MTUS1: variants seen among roughly 807,000 people sequenced by gnomAD.
MTUS1 encodes the protein microtubule-associated tumor suppressor 1.
In MTUS1, 109 loss-of-function variants were observed where a neutral mutation model predicts 120.8. The observed-to-expected ratio is 0.90, with a 90% CI of 0.77 to 1.06. The LOEUF (loss-of-function observed/expected upper bound fraction) is 1.06, where lower values mean the gene tolerates loss of function less well. Among genes scored for constraint, MTUS1 ranks in the 50% least tolerant of loss-of-function variants. The pLI, the probability that MTUS1 is intolerant of heterozygous loss-of-function variation, is 0.00. For synonymous variants in MTUS1, 737 were observed against 550.5 expected (o/e 1.34, Z -4.74); for missense variants, 2,210 against 1,486.3 (o/e 1.49, Z -8.01).
intron 6 of MTUS1, among the ~76,000 whole-genome samples, chr8:17,702,330 CCTT>C (rs1819260146): frequency 2.6e-5 from 4 of 151,924 alleles, no homozygotes; most frequent in Admixed American, 2.6e-4. Flanking sequence ...ATTCCTTAGT[CCTT>C]CATATATTTC....
At chr8:17,796,097 C>A (rs1480832474) in intron 1 of MTUS1, among the ~76,000 whole-genome samples, 1 of 151,860 alleles carries the variant, frequency 6.6e-6, no homozygotes, top group East Asian at 1.9e-4. Context: ...TTACAGGCGC[C>A]CACCACCACA....
chr8:17,750,177 T>C (rs11203907), intron 2 of MTUS1, among the ~76,000 whole-genome samples: 1 of 152,024 alleles, frequency 6.6e-6, no homozygotes, highest in Admixed American at 6.6e-5. Context: ...ATACATTAGG[T>C]GAATTCAACA....
chr8:17,726,436 C>G (rs2046235905), intron 3 of MTUS1, among the ~76,000 whole-genome samples: 1 of 152,146 alleles, frequency 6.6e-6, no homozygotes, highest in Non-Finnish European at 1.5e-5. Flanking sequence ...GGAAGAGCAC[C>G]TGATTCAATT....
Position 17,759,531 on chromosome 8 carries a change from C to A in MTUS1, c.-154-3570G>T, listed in dbSNP as rs985614934. ...CAATCTTTGACATCTGATCATTTGC[C>A]AAATTGCTATATTTAAAAAGGGGGC... On this transcript the variant is annotated intron_variant, in intron 1 of 14. Coordinates refer to ENST00000693296, the MANE Select transcript of MTUS1 (RefSeq NM_001363059.2). Among the ~76,000 whole-genome samples, 4 of 149,872 alleles carry A rather than the reference C, an allele frequency of 2.7e-5. No homozygotes were observed. In the East Asian group the frequency reaches 5.8e-4, roughly 22 times the overall value.
At chr8:17,723,603 G>T in intron 4 of MTUS1, 69 bp downstream of exon 4, 1 of 1,479,716 alleles carries the variant, frequency 6.8e-7, no homozygotes, top group Non-Finnish European at 9.4e-7. Flanking sequence ...CTAATTATTT[G>T]CAGAGCATTA....
chr8:17,674,037 T>C (rs1343081982), intron 8 of MTUS1, among the ~76,000 whole-genome samples: 2 of 152,102 alleles, frequency 1.3e-5, no homozygotes, highest in Non-Finnish European at 2.9e-5. Context: ...CAGCTCCAGA[T>C]CTGGCTGAAG....
chr8:17,779,183 G>C (rs1033484234), intron 1 of MTUS1, among the ~76,000 whole-genome samples: 1 of 152,216 alleles, frequency 6.6e-6, no homozygotes, highest in Non-Finnish European at 1.5e-5. Flanking sequence ...CATTACAGCA[G>C]TAGTTAACAG....
intron 8 of MTUS1, among the ~76,000 whole-genome samples, chr8:17,666,658 T>C (rs1425155977): frequency 1.3e-5 from 2 of 152,192 alleles, no homozygotes; most frequent in East Asian, 1.9e-4. Context: ...TAGCCAAAGC[T>C]GTACTCAGAT....
In MTUS1 at chr8:17,653,436, C is replaced by A; in HGVS notation, c.3277G>T (p.Glu1093Ter). The A allele has an allele frequency of 6.2e-7, 1 of 1,610,468 alleles. No homozygotes were observed. The highest frequency in any genetic ancestry group is 8.5e-7 in the Non-Finnish European group (1 of 1,178,334). The change falls in exon 11 of 15, where the codon GAA (glutamate) becomes TAA (stop). Residue 1093 changes from glutamate to a stop codon, truncating the protein, a stop_gained. Coordinates refer to ENST00000693296, the MANE Select transcript of MTUS1 (RefSeq NM_001363059.2). LOFTEE classifies it high-confidence loss of function. ...SLEDLLSEKQ[E>*]SLEKQINDLK... ...TGACATTCACCCACCTCTAGCGATT[C>A]CTGCTTCTCAGAAAGTAAATCTTCA...
chr8:17,684,400 G>C lies in MTUS1; in HGVS notation c.2766C>G (p.Leu922=), dbSNP rs372065658. 61 of 1,614,046 alleles carry C rather than the reference G, an allele frequency of 3.8e-5. No individual in the cohort carries two copies. The African/African-American group carries it at 5.5e-4, about 14-fold the overall frequency. The change falls in exon 7 of 15, where the codon CTC becomes CTG. Residue 922 remains leucine (L), a synonymous_variant. Transcript: ENST00000693296. ...TATTACCACAGGCAAGAAGCTGCTT[G>C]AGCTGCAGGATAAATCCACTTTGGT... is the stretch of plus-strand genomic sequence containing the variant. ...CENQSGFILQ[L]KQLLACGNTK...
intron 2 of MTUS1, among the ~76,000 whole-genome samples, chr8:17,746,733 A>C (rs1023014913): frequency 6.6e-6 from 1 of 152,104 alleles, no homozygotes; most frequent in Non-Finnish European, 1.5e-5. Flanking sequence ...TAACTTACTA[A>C]CATATAGCCC....
chr8:17,676,254 A>G (rs1813083888), intron 7 of MTUS1: 2 of 702,924 alleles, frequency 2.8e-6, no homozygotes, highest in African/African-American at 3.5e-5. Flanking sequence ...CCAGAAAAGC[A>G]CTATAAACAA....
At chr8:17,686,826 A>G (rs1348495297) in intron 6 of MTUS1, among the ~76,000 whole-genome samples, 2 of 152,248 alleles carry the variant, frequency 1.3e-5, no homozygotes, top group African/African-American at 4.8e-5. Flanking sequence ...GGTAATAGGA[A>G]TCAGACAGCT....
At chr8:17,777,516 G>A (rs774605670) in intron 1 of MTUS1, among the ~76,000 whole-genome samples, 5 of 151,370 alleles carry the variant, frequency 3.3e-5, no homozygotes, top group Non-Finnish European at 7.4e-5. Flanking sequence ...AAATCCAGGC[G>A]CTGTGCATCA....
intron 3 of MTUS1, among the ~76,000 whole-genome samples, chr8:17,725,549 C>T (rs1268394016): frequency 3.3e-5 from 5 of 152,178 alleles, no homozygotes; most frequent in Non-Finnish European, 7.3e-5. Flanking sequence ...CCCTTTGAAT[C>T]CTTATTTAAC....
At chr8:17,664,996 G>A (rs1810588226) in intron 8 of MTUS1, among the ~76,000 whole-genome samples, 1 of 152,170 alleles carries the variant, frequency 6.6e-6, no homozygotes, top group Non-Finnish European at 1.5e-5. Flanking sequence ...GATATGGAAG[G>A]TAGGAACAAA....
chr8:17,733,263 A>C (rs2046713542), intron 3 of MTUS1, among the ~76,000 whole-genome samples: 1 of 152,006 alleles, frequency 6.6e-6, no homozygotes. Flanking sequence ...AGGCAGGAGA[A>C]TCGCTTAAAC....
At chr8:17,683,729 A>G (rs1248848084) in intron 7 of MTUS1, among the ~76,000 whole-genome samples, 3 of 152,224 alleles carry the variant, frequency 2.0e-5, no homozygotes, top group African/African-American at 7.2e-5. Context: ...TATGTCAGTA[A>G]CATGTTGATA....
intron 6 of MTUS1, chr8:17,692,092 A>C (rs1400693248): frequency 1.3e-5 from 2 of 152,248 alleles, no homozygotes; most frequent in Admixed American, 6.6e-5. Flanking sequence ...AACTTGTTAA[A>C]TAATACACTC....
Sources: gnomAD v4.1 joint callset for allele counts (sites outside exome capture counted in the v4.1 genomes callset) on GRCh38, gnomAD v4.1.1 for gene constraint, MANE v1.5 for transcripts, NCBI Gene and HGNC (gene_info 2026-07-23, HGNC 2026-07-21) for gene names.